Variants in RIMS2 observed in about 807,000 individuals in gnomAD.
The protein encoded by RIMS2 is regulating synaptic membrane exocytosis protein 2.
In RIMS2, 59 loss-of-function variants were observed where a neutral mutation model predicts 174.4. The observed-to-expected ratio is 0.34, with a 90% CI of 0.27 to 0.42. RIMS2 has a LOEUF of 0.42. Among genes scored for constraint, RIMS2 ranks in the 10% least tolerant of loss-of-function variants. RIMS2 has a pLI of 1.00. For synonymous variants in RIMS2, 606 were observed against 572.5 expected (o/e 1.06, Z -0.84); for missense variants, 1,620 against 1,666.3 (o/e 0.97, Z 0.48).
chr8:104,227,275 G>A (rs1430142647), intron 19 of RIMS2, among the ~76,000 whole-genome samples: 3 of 135,632 alleles, frequency 2.2e-5, no homozygotes, highest in African/African-American at 8.5e-5. Flanking sequence ...CCAAATCTCT[G>A]AGGTTTTTTT....
chr8:103,886,643 G>C (rs1004799290), intron 4 of RIMS2, among the ~76,000 whole-genome samples: 1 of 151,690 alleles, frequency 6.6e-6, no homozygotes, highest in Admixed American at 6.6e-5. Flanking sequence ...TCTTCCCCCA[G>C]ATATAACCAT....
intron 19 of RIMS2, among the ~76,000 whole-genome samples, chr8:104,112,993 T>C (rs1487306783): frequency 6.6e-6 from 1 of 152,218 alleles, no homozygotes; most frequent in Non-Finnish European, 1.5e-5. Context: ...TTATGAAATA[T>C]AATCATCATG....
chr8:103,644,241 C>A (rs1253190483), intron 1 of RIMS2, among the ~76,000 whole-genome samples: 1 of 152,130 alleles, frequency 6.6e-6, no homozygotes, highest in Non-Finnish European at 1.5e-5. Flanking sequence ...ACCTGCAGAC[C>A]TCTGCTCCTG....
chr8:103,754,516 G>A (rs569042424), intron 2 of RIMS2, among the ~76,000 whole-genome samples: 28 of 152,212 alleles, frequency 1.8e-4, no homozygotes, highest in Admixed American at 1.1e-3. Flanking sequence ...TCTGTCTCTT[G>A]TTGACAGTGG....
intron 1 of RIMS2, among the ~76,000 whole-genome samples, chr8:103,566,441 A>C (rs1587895711): frequency 6.6e-6 from 1 of 152,334 alleles, no homozygotes; most frequent in South Asian, 2.1e-4. Flanking sequence ...TGATACCCTT[A>C]ACTCTCAGCT....
chr8:103,627,394 A>G (rs760543684), intron 1 of RIMS2, among the ~76,000 whole-genome samples: 8 of 152,160 alleles, frequency 5.3e-5, no homozygotes, highest in Non-Finnish European at 1.0e-4. Context: ...TTTACAATCC[A>G]TTTGTACAAT....
chr8:104,020,128 A>G (rs1410207777), intron 19 of RIMS2, among the ~76,000 whole-genome samples: 1 of 151,964 alleles, frequency 6.6e-6, no homozygotes. Flanking sequence ...GATAGGAAGT[A>G]TATACTTTTC....
At chr8:103,738,516 G>C (rs2097716634) in intron 2 of RIMS2, among the ~76,000 whole-genome samples, 1 of 152,102 alleles carries the variant, frequency 6.6e-6, no homozygotes, top group Non-Finnish European at 1.5e-5. Context: ...AGCAACAAAA[G>C]CCAAAATTGA....
chr8:103,590,600 A>G (rs2133283848), intron 1 of RIMS2, among the ~76,000 whole-genome samples: 1 of 92,396 alleles, frequency 1.1e-5, no homozygotes, highest in East Asian at 2.2e-4. Flanking sequence ...AGATGTTACA[A>G]TTAACATTTT....
intron 1 of RIMS2, among the ~76,000 whole-genome samples, chr8:103,508,527 G>T (rs1824822002): frequency 6.6e-6 from 1 of 151,682 alleles, no homozygotes; most frequent in African/African-American, 2.4e-5. Context: ...GTTCAGAAGA[G>T]CACAGATTTA....
chr8:103,960,956 GTTA>G (rs920709866), intron 14 of RIMS2, 106 bp from the exon 17 acceptor site: 6 of 715,770 alleles, frequency 8.4e-6, no homozygotes, highest in Non-Finnish European at 1.5e-5. Flanking sequence ...CATATTTTTT[GTTA>G]TTAACTGATT....
At position 104,248,307 on chromosome 8, in the gene RIMS2, C is replaced by T. The variant is rs140410284; in HGVS notation, c.3477-394C>T. Among the ~76,000 whole-genome samples the T allele has an allele frequency of 2.5e-3, 382 of 152,246 alleles. 2 individuals are homozygous for T. The highest frequency in any genetic ancestry group is 8.9e-3 in the African/African-American group (368 of 41,530). On this transcript the variant is annotated intron_variant, in intron 20 of 23. Transcript: ENST00000504942. Reference sequence around the variant, plus strand: ...TATGCAGATGGGAATGATCCAGAAACATTTCTTCGTGTATGAAATAGGAGA... The same window carrying T: ...TATGCAGATGGGAATGATCCAGAAATATTTCTTCGTGTATGAAATAGGAGA...
intron 19 of RIMS2, among the ~76,000 whole-genome samples, chr8:104,067,887 A>AT (rs890660325): frequency 7.9e-5 from 12 of 151,904 alleles, no homozygotes; most frequent in Non-Finnish European, 1.0e-4. Context: ...CTATATTCTA[A>AT]TTTTTTTTAT....
intron 3 of RIMS2, among the ~76,000 whole-genome samples, chr8:103,804,789 G>A (rs7832358): frequency 0.11 from 17,302 of 151,996 alleles, 1,332 homozygotes; most frequent in African/African-American, 0.22. Flanking sequence ...CTTATAAGGA[G>A]TTTGTAGAAA....
intron 5 of RIMS2, among the ~76,000 whole-genome samples, chr8:103,911,217 A>G (rs576889063): frequency 1.6e-4 from 25 of 152,298 alleles, no homozygotes; most frequent in Middle Eastern, 6.8e-3. Context: ...CTGTGAAACT[A>G]TGATTACACA....
intron 1 of RIMS2, among the ~76,000 whole-genome samples, chr8:103,639,310 T>TA (rs954476824): frequency 2.6e-5 from 4 of 151,342 alleles, no homozygotes; most frequent in East Asian, 3.9e-4. Context: ...TCCAGGGATT[T>TA]AAAAAAAAAG....
chr8:104,250,912 T>C (rs578238766), intron 22 of RIMS2, 112 bp from the exon 29 acceptor site: 2 of 885,836 alleles, frequency 2.3e-6, no homozygotes, highest in Non-Finnish European at 1.8e-6. Context: ...GCCAGTGGCA[T>C]GATTGCTAGC....
At chr8:103,500,968 G>A (rs1016997705) in exon 1 of RIMS2, 3 of 1,611,026 alleles carry the variant, frequency 1.9e-6, no homozygotes, top group Non-Finnish European at 2.5e-6. Context: ...CGAGATGCCT[G>A]ACCTCAGCCA....
intron 1 of RIMS2, among the ~76,000 whole-genome samples, chr8:103,572,239 T>C (rs1208124022): frequency 1.3e-5 from 2 of 152,160 alleles, no homozygotes; most frequent in African/African-American, 4.8e-5. Context: ...GTAAGATTTA[T>C]TGTGAAGAGC....
Sources: allele counts gnomAD v4.1 joint callset (sites outside exome capture counted in the v4.1 genomes callset), GRCh38; gene constraint gnomAD v4.1.1; transcripts MANE v1.5; gene names NCBI Gene and HGNC (gene_info 2026-07-23, HGNC 2026-07-21).